Variants in ORC3 observed in about 807,000 individuals in gnomAD.
ORC3 encodes homolog of latheo, Drosophila.
A neutral mutation model predicts 100.7 loss-of-function variants in ORC3; 78 were observed. That is an observed-to-expected ratio of 0.77 (90% CI 0.65 to 0.94). The LOEUF (loss-of-function observed/expected upper bound fraction) is 0.94. Ranked by LOEUF, ORC3 falls within the 40% of genes least tolerant of loss-of-function variation. ORC3 has a pLI of 0.00. For missense variants in ORC3, 789 were observed against 823.9 expected (o/e 0.96, Z 0.52); for synonymous variants, 295 against 289.3 (o/e 1.02, Z -0.20).
At chr6:87,664,212 G>A (rs1770423840) in intron 17 of ORC3, among the ~76,000 whole-genome samples, 1 of 151,998 alleles carries the variant, frequency 6.6e-6, no homozygotes, top group South Asian at 2.1e-4. Context: ...GTAAGACTTT[G>A]TGTTTCTCAG....
chr6:87,631,531 C>T (rs764978096), intron 11 of ORC3, among the ~76,000 whole-genome samples: 5 of 152,084 alleles, frequency 3.3e-5, no homozygotes, highest in African/African-American at 4.8e-5. Context: ...CTCACTCTGT[C>T]ACCCAGGCTG....
At chr6:87,628,650 GTGAAA>G (rs1780093892) in intron 11 of ORC3, among the ~76,000 whole-genome samples, 1 of 152,196 alleles carries the variant, frequency 6.6e-6, no homozygotes, top group African/African-American at 2.4e-5. Context: ...GAGAAAGGAA[GTGAAA>G]TATCTCATGT....
intron 7 of ORC3, among the ~76,000 whole-genome samples, chr6:87,611,067 G>T (rs958424841): frequency 4.0e-5 from 6 of 150,618 alleles, no homozygotes; most frequent in Admixed American, 1.3e-4. Context: ...TCCCCAAGTA[G>T]CTAGGACTAT....
intron 16 of ORC3, among the ~76,000 whole-genome samples, chr6:87,659,663 C>A (rs1232036192): frequency 6.6e-6 from 1 of 151,928 alleles, no homozygotes; most frequent in Non-Finnish European, 1.5e-5. Flanking sequence ...GGGCAGATCA[C>A]TTGAGGACAG....
intron 3 of ORC3, 88 bp downstream of exon 3, chr6:87,601,969 A>G: frequency 1.3e-6 from 1 of 792,460 alleles, no homozygotes; most frequent in Non-Finnish European, 2.2e-6. Context: ...TTACAAGAGT[A>G]TTGATGAAAT....
At chr6:87,597,780 C>G (rs1373008162) in intron 2 of ORC3, among the ~76,000 whole-genome samples, 2 of 151,474 alleles carry the variant, frequency 1.3e-5, no homozygotes, top group Non-Finnish European at 2.9e-5. Flanking sequence ...TCCTGAACTC[C>G]TGAGTTCAAG....
Position 87,663,146 on chromosome 6 carries a change from T to A in ORC3, c.1833+2T>A, listed in dbSNP as rs1770334778. 6.2e-7 allele frequency: 1 copy of A among 1,607,636 alleles called. No homozygotes were observed. The highest frequency in any genetic ancestry group is 1.1e-5 in the South Asian group (1 of 90,630). ...AACAATCCTTACTATTATCTCAAGG[T>A]AAGATGAACATTTAGTTTTCTGATA... On this transcript the variant is annotated splice_donor_variant, in intron 17 of 19. Coordinates refer to ENST00000392844, the MANE Select transcript of ORC3 (RefSeq NM_012381.4). LOFTEE classifies it high-confidence loss of function.
At position 87,602,956 on chromosome 6, in the gene ORC3, T is replaced by C. The variant is rs1440219633; in HGVS notation, c.178-428T>C. On this transcript the variant is annotated intron_variant, in intron 3 of 19. Coordinates refer to ENST00000392844, the MANE Select transcript of ORC3 (RefSeq NM_012381.4). ...TTTATATATATATACACATATATAATATATATATATATATACATATATATA... is the reference window on the plus strand; with the variant it reads ...TTTATATATATATACACATATATAACATATATATATATATACATATATATA... Among the ~76,000 whole-genome samples, 3 of 91,338 alleles carry C rather than the reference T, an allele frequency of 3.3e-5. 1 individual carries two copies. Among genetic ancestry groups the C allele is most frequent in the Non-Finnish European group, 6.3e-5 (3 of 47,294 alleles). The allele number at this position is 91,338 out of a possible 152,430, so 59.9% of individuals were successfully genotyped here. A position where few individuals can be genotyped will look rare whatever the true frequency, so the allele number is the denominator to read the frequency against.
At chr6:87,651,251 A>G in intron 13 of ORC3, 3 of 456,314 alleles carry the variant, frequency 6.6e-6, no homozygotes, top group Non-Finnish European at 8.8e-6. Flanking sequence ...TATCCTGGGA[A>G]GCTAATCCTT....
chr6:87,634,701 A>G, intron 11 of ORC3, 144 bp from the exon 12 acceptor site: 2 of 596,078 alleles, frequency 3.4e-6, no homozygotes, highest in Non-Finnish European at 5.9e-6. Context: ...TGGATTTTAT[A>G]TGTATTTCAA....
At chr6:87,594,801 T>A (rs1431042674) in intron 2 of ORC3, among the ~76,000 whole-genome samples, 2 of 152,200 alleles carry the variant, frequency 1.3e-5, no homozygotes, top group Admixed American at 6.5e-5. Context: ...GCAACCCAGA[T>A]TTCTAATGAT....
rs151139382 is a variant in ORC3, at chr6:87,643,829, A to T, written c.1382+7343A>T. ...AGGACACCGTAAGTTCCATATATGAAATGGTATATAGTGTTTGCATATAAG... is the reference window on the plus strand; with the variant it reads ...AGGACACCGTAAGTTCCATATATGATATGGTATATAGTGTTTGCATATAAG... On this transcript the variant is annotated intron_variant, in intron 13 of 19. Coordinates refer to ENST00000392844, the MANE Select transcript of ORC3 (RefSeq NM_012381.4). Among the ~76,000 whole-genome samples, 14 of 152,248 alleles carry T rather than the reference A, an allele frequency of 9.2e-5. No individual in the cohort carries two copies. The East Asian group carries it at 2.7e-3, about 29-fold the overall frequency.
At chr6:87,630,110 G>T (rs891374179) in intron 11 of ORC3, among the ~76,000 whole-genome samples, 1 of 152,148 alleles carries the variant, frequency 6.6e-6, no homozygotes, top group East Asian at 1.9e-4. Context: ...CATCCAGCAA[G>T]ACAAAATATG....
rs1384746044 is a variant in ORC3 at position 87,656,895 on chromosome 6, A to G, written c.1517-11A>G. Reference sequence around the variant, plus strand: ...CCTCATTGATGTCTACTGGTTTTGTATTAAAAGCAGAAACCAAAGAGGAAG... The same window carrying G: ...CCTCATTGATGTCTACTGGTTTTGTGTTAAAAGCAGAAACCAAAGAGGAAG... On this transcript the variant is annotated splice_polypyrimidine_tract_variant and intron_variant, in intron 14 of 19. Transcript: ENST00000392844. 1 of 1,602,470 alleles carries G rather than the reference A, an allele frequency of 6.2e-7. No individual in the cohort carries two copies. Among genetic ancestry groups the G allele is most frequent in the Non-Finnish European group, 8.5e-7 (1 of 1,171,160 alleles).
At chr6:87,607,430 C>CA (rs879803646) in intron 5 of ORC3, among the ~76,000 whole-genome samples, 64 of 134,008 alleles carry the variant, frequency 4.8e-4, no homozygotes, top group East Asian at 4.4e-3. Flanking sequence ...GACTCCATCT[C>CA]AAAAAAAAAA....
At position 87,622,114 on chromosome 6, in the gene ORC3, T is replaced by G. The variant is rs980207708; in HGVS notation, c.1185+101T>G. ...AGTTAATAAAACATATTTGTGCATC[T>G]TAATATTTATACAGTGAAGTACTGG... On this transcript the variant is annotated intron_variant, in intron 11 of 19. Transcript: ENST00000392844. 22 of 774,000 alleles carry G rather than the reference T, an allele frequency of 2.8e-5. No homozygotes were observed. The Admixed American group carries it at 2.9e-4, about 10-fold the overall frequency. The allele number at this position is 774,000 out of a possible 1,614,324, so 47.9% of individuals were successfully genotyped here. A position where few individuals can be genotyped will look rare whatever the true frequency, so the allele number is the denominator to read the frequency against.
At position 87,610,623 on chromosome 6, in the gene ORC3, G is replaced by A. The variant is rs1185240694; in HGVS notation, c.713+1394G>A. On this transcript the variant is annotated intron_variant, in intron 7 of 19. Transcript: ENST00000392844. ...CTGCGGACTGCAGTGGCGCAATCTCGGCTCACTGCAAGCTCCGCTTCCCGG... is the reference window on the plus strand; with the variant it reads ...CTGCGGACTGCAGTGGCGCAATCTCAGCTCACTGCAAGCTCCGCTTCCCGG... 7.4e-5 allele frequency among the ~76,000 whole-genome samples: 10 copies of A among 135,030 alleles called. 1 individual carries two copies. The highest frequency in any genetic ancestry group is 1.4e-4 in the Non-Finnish European group (9 of 62,682). The allele number at this position is 135,030 out of a possible 152,430, so 88.6% of individuals were successfully genotyped here.
intron 16 of ORC3, among the ~76,000 whole-genome samples, chr6:87,658,389 G>A (rs761849966): frequency 2.6e-5 from 4 of 151,940 alleles, no homozygotes; most frequent in East Asian, 3.9e-4. Flanking sequence ...CCCAGGAGGC[G>A]GAGCTTGCAG....
chr6:87,676,627 A>AC, the ORC3 span, among the ~76,000 whole-genome samples: 17 of 139,958 alleles, frequency 1.2e-4, no homozygotes, highest in Middle Eastern at 3.8e-3. Flanking sequence ...ACACACACAC[A>AC]AACATAGCTG....
Sources: gnomAD v4.1 joint callset for allele counts (sites outside exome capture counted in the v4.1 genomes callset) on GRCh38, gnomAD v4.1.1 for gene constraint, MANE v1.5 for transcripts, NCBI Gene and HGNC (gene_info 2026-07-23, HGNC 2026-07-21) for gene names.